AMPH: variants seen among roughly 807,000 people sequenced by gnomAD.
AMPH encodes amphiphysin.
A neutral mutation model predicts 99.1 loss-of-function variants in AMPH; 49 were observed. The ratio of observed to expected loss-of-function variants is 0.49; its 90% CI spans 0.39 to 0.63. The LOEUF is 0.63. AMPH is among the 20% of genes least tolerant of loss of function. AMPH has a pLI of 0.00. For missense variants in AMPH, 759 were observed against 863.4 expected, an observed-to-expected ratio of 0.88 and a Z score of 1.52; for synonymous variants, 314 against 317.3, an observed-to-expected ratio of 0.99 and a Z score of 0.11.
intron 1 of AMPH, among the ~76,000 whole-genome samples, chr7:38,591,252 G>A (rs1405738242): frequency 6.6e-6 from 1 of 151,534 alleles, no homozygotes; most frequent in Non-Finnish European, 1.5e-5. Flanking sequence ...AATCTTGGAA[G>A]CCCAATGCCT....
At chr7:38,595,121 G>A (rs1183303664) in intron 1 of AMPH, among the ~76,000 whole-genome samples, 1 of 152,160 alleles carries the variant, frequency 6.6e-6, no homozygotes, top group Non-Finnish European at 1.5e-5. Context: ...GAGGGACAGA[G>A]GGGAGTTGTG....
intron 1 of AMPH, among the ~76,000 whole-genome samples, chr7:38,602,918 C>A (rs1562855556): frequency 6.6e-6 from 1 of 152,068 alleles, no homozygotes; most frequent in Non-Finnish European, 1.5e-5. Context: ...GTATCGTCTT[C>A]AAAAAGTCAA....
intron 1 of AMPH, among the ~76,000 whole-genome samples, chr7:38,586,553 G>C (rs2129056734): frequency 6.9e-6 from 1 of 144,700 alleles, no homozygotes; most frequent in Admixed American, 6.8e-5. Flanking sequence ...AACATAGACT[G>C]ATCTTTTCTC....
In AMPH at chr7:38,473,740, A is replaced by AAAAAAT; in HGVS notation, c.590+1590_590+1591insATTTTT. On this transcript the variant is annotated intron_variant, in intron 7 of 20. Coordinates refer to ENST00000356264, the MANE Select transcript of AMPH (RefSeq NM_001635.4). Reference sequence around the variant, plus strand: ...AAAAAAAAAAAAAAAAAAAAAAAAAAAAAAAAAGTATTCCATGAAATGTAA... The same window carrying AAAAAAT: ...AAAAAAAAAAAAAAAAAAAAAAAAAAAAAAATAAAAAAAGTATTCCATGAAATGTAA... Among the ~76,000 whole-genome samples, 2 of 63,222 alleles carry AAAAAAT rather than the reference A, an allele frequency of 3.2e-5. 1 individual carries two copies. The highest frequency in any genetic ancestry group is 1.5e-4 in the African/African-American group (2 of 13,698). 41.5% of individuals were successfully genotyped at this position (63,222 alleles called of 152,430 possible).
chr7:38,431,941 C>G (rs1251834295), intron 13 of AMPH: 2 of 547,780 alleles, frequency 3.7e-6, no homozygotes, highest in Non-Finnish European at 6.7e-6. Flanking sequence ...GGGCCAAACT[C>G]TTGACCATTA....
chr7:38,444,607 G>C (rs1786685302), intron 11 of AMPH, among the ~76,000 whole-genome samples: 1 of 152,074 alleles, frequency 6.6e-6, no homozygotes, highest in South Asian at 2.1e-4. Flanking sequence ...GGCTAGGAGA[G>C]AAGAAAGGAT....
rs773917280 is a variant in AMPH at position 38,494,568 on chromosome 7, G to A, written c.206-41C>T. 2.6e-6 allele frequency: 4 copies of A among 1,548,570 alleles called. No homozygotes were observed. The African/African-American group carries it at 5.4e-5, about 21-fold the overall frequency. ...AACAACTCCCGTTACACAGAAATGAGTGAGGATTCTCTTCTCCCTTCCTCC... is the reference window on the plus strand; with the variant it reads ...AACAACTCCCGTTACACAGAAATGAATGAGGATTCTCTTCTCCCTTCCTCC... On this transcript the variant is annotated intron_variant, in intron 3 of 20. Coordinates refer to ENST00000356264, the MANE Select transcript of AMPH (RefSeq NM_001635.4).
At chr7:38,418,043 C>T (rs1029910823) in intron 16 of AMPH, 93 bp from the exon 17 acceptor site, 1 of 1,412,746 alleles carries the variant, frequency 7.1e-7, no homozygotes, top group Non-Finnish European at 9.6e-7. Flanking sequence ...TTTTCTTTGT[C>T]ATCCCATAGG....
chr7:38,608,182 AC>A (rs1351244658), intron 1 of AMPH, among the ~76,000 whole-genome samples: 4 of 152,188 alleles, frequency 2.6e-5, no homozygotes, highest in Admixed American at 2.6e-4. Context: ...CTGTAAGAGC[AC>A]CCGTGGGTGT....
At chr7:38,462,227 A>G (rs1268030124) in intron 10 of AMPH, among the ~76,000 whole-genome samples, 1 of 152,174 alleles carries the variant, frequency 6.6e-6, no homozygotes. Flanking sequence ...CGGCGCGTTT[A>G]AGGTAGGCTG....
At chr7:38,544,313 A>T (rs1454654123) in intron 1 of AMPH, among the ~76,000 whole-genome samples, 1 of 152,212 alleles carries the variant, frequency 6.6e-6, no homozygotes, top group Non-Finnish European at 1.5e-5. Flanking sequence ...GAGGAACCTA[A>T]TTAGCCTCTG....
chr7:38,497,627 CGAT>C (rs1275830606), intron 3 of AMPH, among the ~76,000 whole-genome samples: 4 of 152,254 alleles, frequency 2.6e-5, no homozygotes, highest in South Asian at 2.1e-4. Flanking sequence ...AAATAAATTA[CGAT>C]GATAACAAGC....
intron 8 of AMPH, 152 bp downstream of exon 8, chr7:38,466,021 C>A: frequency 1.6e-6 from 1 of 619,368 alleles, no homozygotes; most frequent in South Asian, 2.2e-5. Context: ...TATGAAAAAC[C>A]GTAGAAATGT....
intron 1 of AMPH, among the ~76,000 whole-genome samples, chr7:38,576,300 CT>C (rs1792238933): frequency 6.6e-6 from 1 of 152,318 alleles, no homozygotes; most frequent in African/African-American, 2.4e-5. Flanking sequence ...ACGACTCATG[CT>C]TATAATTCTT....
intron 14 of AMPH, among the ~76,000 whole-genome samples, chr7:38,427,385 T>C (rs1252044316): frequency 2.6e-5 from 4 of 152,246 alleles, no homozygotes; most frequent in African/African-American, 7.2e-5. Context: ...AATTATGATA[T>C]TTTACAGTTT....
intron 1 of AMPH, among the ~76,000 whole-genome samples, chr7:38,615,732 A>T (rs1793851153): frequency 6.6e-6 from 1 of 152,128 alleles, no homozygotes; most frequent in African/African-American, 2.4e-5. Flanking sequence ...CTGTAGCTGC[A>T]CAGTGTAGCC....
intron 1 of AMPH, among the ~76,000 whole-genome samples, chr7:38,572,370 G>A (rs370958792): frequency 6.6e-6 from 1 of 152,170 alleles, no homozygotes; most frequent in Non-Finnish European, 1.5e-5. Context: ...TACAGCCCTG[G>A]TGTACAGTAG....
In AMPH at chr7:38,441,874, ATATAT is replaced by A. The variant is rs1378812637; in HGVS notation, c.1018-5491_1018-5487del. Among the ~76,000 whole-genome samples, 94 of 140,712 alleles carry A rather than the reference ATATAT, an allele frequency of 6.7e-4. 1 individual carries two copies. The highest frequency in any genetic ancestry group is 3.6e-3 in the Middle Eastern group (1 of 278). 92.3% of individuals were successfully genotyped at this position (140,712 alleles called of 152,430 possible). A position where few individuals can be genotyped will look rare whatever the true frequency, so the allele number is the denominator to read the frequency against. On this transcript the variant is annotated intron_variant, in intron 11 of 20. Transcript: ENST00000356264. ...ATCATATATATCATATATATCATAT[ATATAT>A]CATATACATACACACACACACACGC...
At chr7:38,518,380 C>A (rs1451642542) in intron 2 of AMPH, among the ~76,000 whole-genome samples, 1 of 152,192 alleles carries the variant, frequency 6.6e-6, no homozygotes, top group African/African-American at 2.4e-5. Flanking sequence ...CAGCATGGAA[C>A]TCCAACCCAT....
Sources: allele counts gnomAD v4.1 joint callset (sites outside exome capture counted in the v4.1 genomes callset), GRCh38; gene constraint gnomAD v4.1.1; transcripts MANE v1.5; gene names NCBI Gene and HGNC (gene_info 2026-07-23, HGNC 2026-07-21).